The following SERINC5 variants were observed in gnomAD, a reference collection of about 807,000 sequenced individuals.
SERINC5 encodes serine incorporator 5, also known as chromosome 5 open reading frame 12.
In SERINC5, 41 loss-of-function variants were observed where a neutral mutation model predicts 63.1. The ratio of observed to expected loss-of-function variants is 0.65; its 90% CI spans 0.51 to 0.84. SERINC5 has a LOEUF of 0.84. Ranked by LOEUF, SERINC5 falls within the 40% of genes least tolerant of loss-of-function variation. The probability of loss-of-function intolerance (pLI) is 0.00; values close to 1 mark genes in which losing one functional copy is unlikely to be tolerated. For synonymous variants in SERINC5, 222 were observed against 215.2 expected (o/e 1.03, Z -0.28); for missense variants, 523 against 573.0 (o/e 0.91, Z 0.89).
chr5:80,114,461 C>A, intron 11 of SERINC5: 1 of 167,278 alleles, frequency 6.0e-6, no homozygotes, highest in South Asian at 1.0e-4. Context: ...CGAGACCAGC[C>A]TGGCCAACAT....
intron 1 of SERINC5, among the ~76,000 whole-genome samples, chr5:80,206,425 T>C (rs1246293681): frequency 6.6e-6 from 1 of 152,204 alleles, no homozygotes; most frequent in Non-Finnish European, 1.5e-5. Context: ...CCCTGTGTCA[T>C]TCTCTACTGT....
At chr5:80,130,238 G>A (rs1744888219) in intron 11 of SERINC5, among the ~76,000 whole-genome samples, 1 of 151,942 alleles carries the variant, frequency 6.6e-6, no homozygotes, top group Non-Finnish European at 1.5e-5. Context: ...AAACTAGCCG[G>A]GCCTGGTGGC....
chr5:80,244,799 G>A (rs1752100390), intron 1 of SERINC5, among the ~76,000 whole-genome samples: 1 of 152,124 alleles, frequency 6.6e-6, no homozygotes, highest in Non-Finnish European at 1.5e-5. Context: ...TCCAGCCTGG[G>A]TGACAAAGCG....
At chr5:80,254,913 T>TA (rs1235917355) in intron 1 of SERINC5, among the ~76,000 whole-genome samples, 7 of 152,186 alleles carry the variant, frequency 4.6e-5, no homozygotes, top group Non-Finnish European at 1.0e-4. Context: ...CTCCATCACT[T>TA]ACAGCTGGCC....
At chr5:80,129,673 C>T (rs891668650) in intron 11 of SERINC5, among the ~76,000 whole-genome samples, 2 of 152,148 alleles carry the variant, frequency 1.3e-5, no homozygotes, top group African/African-American at 2.4e-5. Context: ...TTTTCTACAG[C>T]ACTGTATTTA....
At chr5:80,156,987 T>A (rs887359036) in intron 8 of SERINC5, 1 of 138,190 alleles carries the variant, frequency 7.2e-6, no homozygotes, top group Non-Finnish European at 1.5e-5. Context: ...AAAGGGTTTT[T>A]TTTTTCTTTT....
chr5:80,194,893 C>G (rs1392871206), intron 2 of SERINC5, among the ~76,000 whole-genome samples: 1 of 152,164 alleles, frequency 6.6e-6, no homozygotes, highest in Non-Finnish European at 1.5e-5. Flanking sequence ...CCTGGTGTCT[C>G]AGTTCTGACA....
downstream of SERINC5, among the ~76,000 whole-genome samples, chr5:80,134,576 CAGG>C (rs1366309864): frequency 5.9e-5 from 9 of 152,178 alleles, 1 homozygote. Flanking sequence ...AGCCTACACC[CAGG>C]AATGAACAAG....
At chr5:80,224,002 G>T (rs113749444) in intron 1 of SERINC5, among the ~76,000 whole-genome samples, 1 of 151,280 alleles carries the variant, frequency 6.6e-6, no homozygotes, top group Non-Finnish European at 1.5e-5. Flanking sequence ...GCGTGGTGGC[G>T]GGCGCCTGTA....
chr5:80,112,898 A>C (rs1744175603), intron 12 of SERINC5, among the ~76,000 whole-genome samples: 1 of 152,188 alleles, frequency 6.6e-6, no homozygotes, highest in East Asian at 1.9e-4. Context: ...CAGGAGTTCA[A>C]GGCTGCAGTG....
intron 4 of SERINC5, among the ~76,000 whole-genome samples, chr5:80,176,389 A>G (rs1400171902): frequency 1.3e-5 from 2 of 152,212 alleles, no homozygotes; most frequent in Non-Finnish European, 2.9e-5. Context: ...AACTATATGA[A>G]GGATTATGGC....
intron 11 of SERINC5, among the ~76,000 whole-genome samples, chr5:80,127,812 G>A (rs919729983): frequency 1.3e-5 from 2 of 152,016 alleles, no homozygotes; most frequent in Non-Finnish European, 2.9e-5. Flanking sequence ...TCAGAATTAA[G>A]TTTTAGACAT....
intron 11 of SERINC5, among the ~76,000 whole-genome samples, chr5:80,122,269 C>G (rs1227263013): frequency 6.6e-6 from 1 of 150,748 alleles, no homozygotes; most frequent in Non-Finnish European, 1.5e-5. Flanking sequence ...AATAGGCCAT[C>G]TGCAGGCCGA....
intron 2 of SERINC5, among the ~76,000 whole-genome samples, chr5:80,187,213 T>A (rs1364974289): frequency 1.3e-5 from 2 of 152,176 alleles, no homozygotes; most frequent in African/African-American, 4.8e-5. Flanking sequence ...TAATTATTCT[T>A]ACATTTCATT....
At position 80,125,656 on chromosome 5, in the gene SERINC5, C is replaced by T. The variant is rs183217791; in HGVS notation, c.1239-12031G>A. On this transcript the variant is annotated intron_variant, in intron 11 of 12. Transcript: ENST00000509193. Reference sequence around the variant, plus strand: ...GACTTGATTTGCATTATTGAAAGCTCACCATGGCTGGAATGGATTGGGGAC... The same window carrying T: ...GACTTGATTTGCATTATTGAAAGCTTACCATGGCTGGAATGGATTGGGGAC... 5.9e-5 allele frequency among the ~76,000 whole-genome samples: 9 copies of T among 152,256 alleles called. No individual in the cohort carries two copies. In the East Asian group the frequency reaches 1.7e-3, roughly 29 times the overall value.
intron 1 of SERINC5, among the ~76,000 whole-genome samples, chr5:80,247,939 C>T (rs557278843): frequency 6.6e-6 from 1 of 152,262 alleles, no homozygotes; most frequent in Non-Finnish European, 1.5e-5. Context: ...CCTCGACCTC[C>T]CTGGGCTCAG....
At chr5:80,225,125 G>C (rs1751112866) in intron 1 of SERINC5, among the ~76,000 whole-genome samples, 1 of 152,042 alleles carries the variant, frequency 6.6e-6, no homozygotes, top group African/African-American at 2.4e-5. Flanking sequence ...ATTTTTAGTA[G>C]AGACTGGGTT....
chr5:80,237,663 T>C (rs1751757196), intron 1 of SERINC5, among the ~76,000 whole-genome samples: 1 of 151,550 alleles, frequency 6.6e-6, no homozygotes, highest in Non-Finnish European at 1.5e-5. Context: ...AATCAGAGAA[T>C]ACCCTCAAGC....
At chr5:80,195,035 C>T (rs369177195) in intron 2 of SERINC5, among the ~76,000 whole-genome samples, 1 of 152,096 alleles carries the variant, frequency 6.6e-6, no homozygotes, top group East Asian at 1.9e-4. Context: ...ACCTGTAATC[C>T]CAGCACTTTG....
Sources: gnomAD v4.1 joint callset for allele counts (sites outside exome capture counted in the v4.1 genomes callset) on GRCh38, gnomAD v4.1.1 for gene constraint, MANE v1.5 for transcripts, NCBI Gene and HGNC (gene_info 2026-07-23, HGNC 2026-07-21) for gene names.